KYNU: variants seen among roughly 807,000 people sequenced by gnomAD.
KYNU encodes the protein kynureninase, also known as L-kynurenine hydrolase.
In KYNU, 54 loss-of-function variants were observed where a neutral mutation model predicts 59.2. The ratio of observed to expected loss-of-function variants is 0.91; its 90% confidence interval spans 0.73 to 1.14. The LOEUF is 1.14. KYNU is among the 50% of genes most tolerant of loss of function. The pLI is 0.00. For synonymous variants in KYNU, 177 were observed against 192.0 expected (o/e 0.92, Z 0.65); for missense variants, 567 against 554.4 (o/e 1.02, Z -0.23).
intron 10 of KYNU, among the ~76,000 whole-genome samples, chr2:142,994,699 C>T (rs956170945): frequency 1.3e-5 from 2 of 151,990 alleles, no homozygotes; most frequent in Admixed American, 1.3e-4. Context: ...ATTCTAAATT[C>T]TTTGAGTCCT....
rs551154530 is a variant in KYNU at position 143,050,662 on chromosome 2, A to G, written c.*8490A>G. 1 of 152,348 alleles carries G rather than the reference A, an allele frequency of 6.6e-6. No individual in the cohort carries two copies. Among genetic ancestry groups the G allele is most frequent in the Admixed American group, 6.5e-5 (1 of 15,296 alleles). 9.4% of individuals were successfully genotyped at this position (152,348 alleles called of 1,614,324 possible). A position where few individuals can be genotyped will look rare whatever the true frequency, so the allele number is the denominator to read the frequency against. On this transcript the variant is annotated 3_prime_UTR_variant, in exon 14 of 14. Coordinates refer to ENST00000264170, the MANE Select transcript of KYNU (RefSeq NM_003937.3). ...TCATGTTGCTTTAACTTATTAAAAA[A>G]CAGACTGAAGAAAGACTGGGTGTGA...
At chr2:142,992,553 A>G (rs977178768) in intron 10 of KYNU, among the ~76,000 whole-genome samples, 1 of 151,852 alleles carries the variant, frequency 6.6e-6, no homozygotes, top group African/African-American at 2.4e-5. Flanking sequence ...AAATTGATTT[A>G]TTTAAGTGGT....
chr2:142,965,548 A>G (rs896717212), intron 8 of KYNU, among the ~76,000 whole-genome samples: 2 of 152,096 alleles, frequency 1.3e-5, no homozygotes, highest in African/African-American at 4.8e-5. Context: ...CAGTCACAAG[A>G]TATTTGTCTC....
chr2:142,916,468 A>T (rs1682671211), intron 2 of KYNU, among the ~76,000 whole-genome samples: 1 of 152,204 alleles, frequency 6.6e-6, no homozygotes, highest in Admixed American at 6.5e-5. Flanking sequence ...TGAAATATTT[A>T]CTTTCTGGCT....
chr2:143,013,092 C>A (rs1686157525), intron 10 of KYNU, among the ~76,000 whole-genome samples: 1 of 152,112 alleles, frequency 6.6e-6, no homozygotes. Flanking sequence ...AACTCCCAGG[C>A]TCAAGTGATC....
At chr2:142,986,048 T>C (rs759771924) in intron 10 of KYNU, 27 bp downstream of exon 10, 13 of 1,515,880 alleles carry the variant, frequency 8.6e-6, no homozygotes, top group Non-Finnish European at 3.7e-6. Context: ...GCTAATTCTT[T>C]GGTGATGAAC....
chr2:143,006,472 C>T (rs919804019), intron 10 of KYNU, among the ~76,000 whole-genome samples: 37 of 143,362 alleles, frequency 2.6e-4, no homozygotes, highest in African/African-American at 9.8e-4. Flanking sequence ...GGCAGCGAGG[C>T]TGGGGGAGGG....
chr2:142,972,423 CA>C (rs1684752579), intron 8 of KYNU, among the ~76,000 whole-genome samples: 2 of 152,092 alleles, frequency 1.3e-5, no homozygotes. Flanking sequence ...CTGGATTTGA[CA>C]ATCTTGCCAA....
In KYNU at chr2:142,985,083, G is replaced by A. The variant is rs757632194; in HGVS notation, c.730-1G>A. ...AAGCTTATTATTGTGTTCTTCCCTA[G>A]GGTTGTTATGTTGGCTTTGATCTAG... is the stretch of plus-strand genomic sequence containing the variant. On this transcript the variant is annotated splice_acceptor_variant, in intron 8 of 13. Transcript: ENST00000264170. LOFTEE classifies it high-confidence loss of function. 6.4e-7 allele frequency: 1 copy of A among 1,565,342 alleles called. No individual in the cohort carries two copies. The highest frequency in any genetic ancestry group is 8.8e-7 in the Non-Finnish European group (1 of 1,136,308).
chr2:142,994,063 C>A (rs766534224), intron 10 of KYNU, among the ~76,000 whole-genome samples: 1 of 152,118 alleles, frequency 6.6e-6, no homozygotes, highest in Non-Finnish European at 1.5e-5. Context: ...CCTAAAGTAA[C>A]CTTTGAAATC....
At chr2:143,039,560 T>G (rs1573923261) in intron 12 of KYNU, among the ~76,000 whole-genome samples, 1 of 152,098 alleles carries the variant, frequency 6.6e-6, no homozygotes, top group East Asian at 1.9e-4. Flanking sequence ...GTTGGGCTGC[T>G]ATTTCTCATG....
chr2:143,012,247 C>T (rs1034638409), intron 10 of KYNU, among the ~76,000 whole-genome samples: 6 of 151,762 alleles, frequency 4.0e-5, no homozygotes, highest in South Asian at 2.1e-4. Context: ...TTTGGGAGGC[C>T]GAGGCGGGTG....
intron 4 of KYNU, among the ~76,000 whole-genome samples, chr2:142,942,037 C>A (rs1683617287): frequency 6.6e-6 from 1 of 151,814 alleles, no homozygotes. Flanking sequence ...ATTACCCAGG[C>A]ATGGTGGTAC....
At chr2:142,973,927 T>A (rs35991933) in intron 8 of KYNU, among the ~76,000 whole-genome samples, 12,331 of 152,198 alleles carry the variant, frequency 0.081, 677 homozygotes, top group East Asian at 0.21. Context: ...AGACAATAGA[T>A]TCACTAAGGT....
chr2:143,052,137 C>T lies in KYNU; in HGVS notation c.*9965C>T, dbSNP rs1335961069. The T allele has an allele frequency of 6.6e-6, 1 of 152,172 alleles. No homozygotes were observed. The highest frequency in any genetic ancestry group is 2.4e-5 in the African/African-American group (1 of 41,438). 9.4% of individuals were successfully genotyped at this position (152,172 alleles called of 1,614,324 possible). ...AGACTGGAGGCATTTTGCCCCTGCC[C>T]TAGAGATTTGTGGGACATTAAACTT... On this transcript the variant is annotated 3_prime_UTR_variant, in exon 14 of 14. Coordinates refer to ENST00000264170, the MANE Select transcript of KYNU (RefSeq NM_003937.3).
chr2:143,034,789 A>G (rs1686846950), intron 12 of KYNU, among the ~76,000 whole-genome samples: 1 of 152,242 alleles, frequency 6.6e-6, no homozygotes, highest in African/African-American at 2.4e-5. Context: ...AAGTTTCTGC[A>G]TTCCTTGCAA....
At chr2:142,974,740 A>G (rs963796938) in intron 8 of KYNU, among the ~76,000 whole-genome samples, 2 of 152,196 alleles carry the variant, frequency 1.3e-5, no homozygotes, top group East Asian at 1.9e-4. Context: ...AACATAGCTC[A>G]AGAAGGCCTA....
At chr2:142,884,406 G>A (rs1048329099) in intron 1 of KYNU, among the ~76,000 whole-genome samples, 1 of 152,174 alleles carries the variant, frequency 6.6e-6, no homozygotes, top group African/African-American at 2.4e-5. Flanking sequence ...AACCACTGGG[G>A]GTGGGACAGT....
chr2:143,015,566 T>C (rs1686223158), intron 10 of KYNU, among the ~76,000 whole-genome samples: 1 of 152,142 alleles, frequency 6.6e-6, no homozygotes, highest in Non-Finnish European at 1.5e-5. Flanking sequence ...TCCTTAAATG[T>C]CCTTAAATGC....
Sources: allele counts gnomAD v4.1 joint callset (sites outside exome capture counted in the v4.1 genomes callset), GRCh38; gene constraint gnomAD v4.1.1; transcripts MANE v1.5; gene names NCBI Gene and HGNC (gene_info 2026-07-23, HGNC 2026-07-21).